The following DTX1 variants were observed in gnomAD, a reference collection of about 807,000 sequenced individuals.
DTX1 encodes E3 ubiquitin-protein ligase DTX1.
In DTX1, 26 loss-of-function variants were observed where a neutral mutation model predicts 57.8. The ratio of observed to expected loss-of-function variants is 0.45; its 90% CI spans 0.33 to 0.62. The LOEUF is 0.62. Ranked by LOEUF, DTX1 falls within the 20% of genes least tolerant of loss-of-function variation. The pLI is 0.02. For synonymous variants in DTX1, 398 were observed against 394.1 expected, an observed-to-expected ratio of 1.01 and a Z score of -0.12; for missense variants, 704 against 895.3, an observed-to-expected ratio of 0.79 and a Z score of 2.73.
chr12:113,092,850 C>T (rs1345915265), intron 3 of DTX1, among the ~76,000 whole-genome samples: 2 of 152,198 alleles, frequency 1.3e-5, no homozygotes, highest in African/African-American at 4.8e-5. Context: ...TCAGGCACAG[C>T]GGCCAACGAA....
intron 2 of DTX1, among the ~76,000 whole-genome samples, chr12:113,072,976 GGAT>G (rs1318570227): frequency 1.3e-5 from 2 of 151,968 alleles, no homozygotes; most frequent in Non-Finnish European, 2.9e-5. Context: ...CAAAGTGTTG[GGAT>G]TACAGGCATG....
At chr12:113,091,824 C>T (rs1950251015) in intron 3 of DTX1, among the ~76,000 whole-genome samples, 1 of 152,216 alleles carries the variant, frequency 6.6e-6, no homozygotes, top group African/African-American at 2.4e-5. Context: ...CCCAGCCCTT[C>T]CTGCCCCCTC....
At chr12:113,087,344 G>T (rs982675281) in intron 3 of DTX1, among the ~76,000 whole-genome samples, 1 of 152,192 alleles carries the variant, frequency 6.6e-6, no homozygotes, top group Non-Finnish European at 1.5e-5. Flanking sequence ...GAGGTGCTGG[G>T]GTAAGGAAAG....
At chr12:113,079,769 G>A (rs1313200465) in intron 3 of DTX1, among the ~76,000 whole-genome samples, 1 of 150,130 alleles carries the variant, frequency 6.7e-6, no homozygotes, top group Non-Finnish European at 1.5e-5. Context: ...ATGTTTCCCA[G>A]GCTTGTCTTG....
At chr12:113,069,411 C>T (rs753838114) in intron 2 of DTX1, among the ~76,000 whole-genome samples, 23 of 152,162 alleles carry the variant, frequency 1.5e-4, no homozygotes, top group Admixed American at 3.9e-4. Flanking sequence ...AGCCCTTCAG[C>T]CTTCCTTAGG....
chr12:113,074,713 G>A (rs747784366), intron 2 of DTX1, among the ~76,000 whole-genome samples: 4 of 152,214 alleles, frequency 2.6e-5, no homozygotes, highest in Non-Finnish European at 4.4e-5. Context: ...CTACTGCAAT[G>A]GTCCAGGCAG....
At position 113,095,510 on chromosome 12, in the gene DTX1, T is replaced by G. The variant is rs576899783; in HGVS notation, c.1638+96T>G. 61 of 1,472,340 alleles carry G rather than the reference T, an allele frequency of 4.1e-5. No individual in the cohort carries two copies. In the African/African-American group the frequency reaches 7.9e-4, roughly 19 times the overall value. The allele number at this position is 1,472,340 out of a possible 1,614,324, so 91.2% of individuals were successfully genotyped here. A position where few individuals can be genotyped will look rare whatever the true frequency, so the allele number is the denominator to read the frequency against. On this transcript the variant is annotated intron_variant, in intron 9 of 9. Coordinates refer to ENST00000548759, the MANE Select transcript of DTX1 (RefSeq NM_004416.3). The stretch of plus-strand genomic sequence containing the variant: ...TGTGGTCCCCATCATTCCCAATCCC[T>G]GCTCTCACATTCCTCCCAAAAGCAG...
intron 2 of DTX1, among the ~76,000 whole-genome samples, chr12:113,072,307 T>G (rs889702845): frequency 1.1e-4 from 16 of 152,180 alleles, no homozygotes; most frequent in African/African-American, 3.9e-4. Flanking sequence ...TGAGGATGAC[T>G]AAGAACAAAA....
rs1361309220 is a variant in DTX1 at position 113,078,111 on chromosome 12, A to T, written c.941+6A>T. ...CGCGCCTCCATCCCGCCGGGGTAAG[A>T]CGGGGCCCAGGGGGAGGGGGCCTCT... On this transcript the variant is annotated splice_donor_region_variant and intron_variant, in intron 3 of 9. Transcript: ENST00000548759. The T allele has an allele frequency of 3.0e-5, 41 of 1,362,180 alleles. No homozygotes were observed. The highest frequency in any genetic ancestry group is 3.9e-5 in the Non-Finnish European group (41 of 1,060,038). 84.4% of individuals were successfully genotyped at this position (1,362,180 alleles called of 1,614,324 possible).
chr12:113,077,856 C>G lies in DTX1; in HGVS notation c.692C>G (p.Pro231Arg). 6 of 1,320,474 alleles carry G rather than the reference C, an allele frequency of 4.5e-6. No individual in the cohort carries two copies. The highest frequency in any genetic ancestry group is 4.8e-6 in the Non-Finnish European group (5 of 1,045,276). 81.8% of individuals were successfully genotyped at this position (1,320,474 alleles called of 1,614,324 possible). The change falls in exon 3 of 10, where the codon CCG becomes CGG. Residue 231 changes from proline (P) to arginine (R), a missense_variant. This residue lies in a region of DTX1 where 299 missense variants were observed against 311.2 expected (regional missense o/e 0.96). Coordinates refer to ENST00000548759, the MANE Select transcript of DTX1 (RefSeq NM_004416.3). The surrounding 1 kb of genome is among the most constrained non-coding windows in gnomAD (Gnocchi z 7.8). Reference sequence around the variant, plus strand: ...CGCCGCAAGGCGCCCCCCGCGCCCCCGCTGCCGCCGCCGCCGCCACCTGGA... The same window carrying G: ...CGCCGCAAGGCGCCCCCCGCGCCCCGGCTGCCGCCGCCGCCGCCACCTGGA... ...SQRRKAPPAP[P>R]LPPPPPPGGP...
intron 9 of DTX1, chr12:113,095,641 G>T: frequency 1.8e-6 from 1 of 564,296 alleles, no homozygotes; most frequent in Non-Finnish European, 3.1e-6. Context: ...AAGACACAAG[G>T]CTTCAGAAAG....
intron 3 of DTX1, among the ~76,000 whole-genome samples, chr12:113,079,324 G>A (rs1286714934): frequency 1.3e-5 from 2 of 152,060 alleles, no homozygotes; most frequent in African/African-American, 2.4e-5. Flanking sequence ...TGATAATGAT[G>A]GTCCGAGATC....
At chr12:113,078,470 C>A (rs1412666672) in intron 3 of DTX1, among the ~76,000 whole-genome samples, 2 of 152,176 alleles carry the variant, frequency 1.3e-5, no homozygotes. Flanking sequence ...ATATGTATCA[C>A]CTCGTTTATT....
At chr12:113,074,429 G>A (rs1047421758) in intron 2 of DTX1, among the ~76,000 whole-genome samples, 2 of 152,228 alleles carry the variant, frequency 1.3e-5, no homozygotes, top group Non-Finnish European at 2.9e-5. Context: ...AGGCCCTGAG[G>A]CTGGACAGTG....
chr12:113,059,989 G>A (rs1033010588), intron 2 of DTX1, among the ~76,000 whole-genome samples: 1 of 152,114 alleles, frequency 6.6e-6, no homozygotes, highest in African/African-American at 2.4e-5. Context: ...TAGAAAGGAG[G>A]CCAGCCTTTC....
At position 113,070,225 on chromosome 12, in the gene DTX1, T is replaced by C. The variant is rs185612026; in HGVS notation, c.260-7199T>C. Among the ~76,000 whole-genome samples the C allele has an allele frequency of 2.6e-4, 39 of 152,384 alleles. No homozygotes were observed. The East Asian group carries it at 7.3e-3, about 29-fold the overall frequency. ...GCCTGGGGCAGAAAAGTGTGCTCTC[T>C]GAGTGTGGATGGCTGTTAGTATTAT... is the stretch of plus-strand genomic sequence containing the variant. On this transcript the variant is annotated intron_variant, in intron 2 of 9. Coordinates refer to ENST00000548759, the MANE Select transcript of DTX1 (RefSeq NM_004416.3).
chr12:113,085,396 C>T (rs1418656148), intron 3 of DTX1, among the ~76,000 whole-genome samples: 1 of 152,200 alleles, frequency 6.6e-6, no homozygotes, highest in Admixed American at 6.5e-5. Flanking sequence ...CCATCTCTAT[C>T]AGATTTGTAC....
intron 1 of DTX1, 76 bp from the exon 2 acceptor site, chr12:113,057,373 A>G (rs2044632698): frequency 6.5e-6 from 1 of 152,690 alleles, no homozygotes; most frequent in Admixed American, 6.5e-5. Context: ...TCTCAGCCGA[A>G]TGCTCTCCTG....
At chr12:113,065,684 T>C (rs947480806) in intron 2 of DTX1, among the ~76,000 whole-genome samples, 3 of 151,856 alleles carry the variant, frequency 2.0e-5, no homozygotes, top group Non-Finnish European at 4.4e-5. Flanking sequence ...AAGTGACAGG[T>C]AGCGGGGCTG....
Sources: gnomAD v4.1 joint callset for allele counts (sites outside exome capture counted in the v4.1 genomes callset) on GRCh38, gnomAD v4.1.1 for gene constraint, gnomAD v4.1.1 regional missense constraint, Gnocchi (gnomAD v3.1) non-coding constraint, MANE v1.5 for transcripts, NCBI Gene and HGNC (gene_info 2026-07-23, HGNC 2026-07-21) for gene names.